Variants in ZSWIM6 observed in about 807,000 individuals in gnomAD.
ZSWIM6 encodes the protein zinc finger SWIM domain-containing protein 6.
ZSWIM6 carries 9 observed loss-of-function variants against 113.2 expected under a neutral mutation model. The observed-to-expected ratio is 0.08, with a 90% CI of 0.05 to 0.14. ZSWIM6 has a LOEUF of 0.14. Ranked by LOEUF, ZSWIM6 falls within the 10% of genes least tolerant of loss-of-function variation. The pLI is 1.00. For missense variants in ZSWIM6, 1,162 were observed against 1,552.2 expected, an observed-to-expected ratio of 0.75 and a Z score of 4.22; for synonymous variants, 611 against 606.5, an observed-to-expected ratio of 1.01 and a Z score of -0.11.
At chr5:61,428,425 C>A (rs1383772910) in intron 1 of ZSWIM6, among the ~76,000 whole-genome samples, 1 of 152,182 alleles carries the variant, frequency 6.6e-6, no homozygotes, top group Non-Finnish European at 1.5e-5. Context: ...CACAGTGATG[C>A]AGTCTTAGCT....
intron 1 of ZSWIM6, among the ~76,000 whole-genome samples, chr5:61,344,952 A>G (rs1385884973): frequency 2.6e-5 from 4 of 152,238 alleles, no homozygotes; most frequent in Non-Finnish European, 5.9e-5. Context: ...GTAGCCATAC[A>G]TAAATCTTGG....
chr5:61,454,765 G>A (rs943241172), intron 1 of ZSWIM6, among the ~76,000 whole-genome samples: 24 of 151,964 alleles, frequency 1.6e-4, no homozygotes, highest in African/African-American at 4.1e-4. Flanking sequence ...TGTATTTTTA[G>A]TAGAGATAGG....
At chr5:61,476,339 TAAAG>T (rs1747706619) in intron 2 of ZSWIM6, among the ~76,000 whole-genome samples, 2 of 152,144 alleles carry the variant, frequency 1.3e-5, no homozygotes, top group African/African-American at 4.8e-5. Flanking sequence ...AGTGTGTAGA[TAAAG>T]AAATCAAGGA....
At chr5:61,506,197 C>A (rs760422865) in intron 4 of ZSWIM6, among the ~76,000 whole-genome samples, 5 of 152,052 alleles carry the variant, frequency 3.3e-5, no homozygotes, top group Non-Finnish European at 7.4e-5. Context: ...TTGCTGTATT[C>A]CCGAGGTTTT....
intron 1 of ZSWIM6, among the ~76,000 whole-genome samples, chr5:61,422,944 A>C (rs951231821): frequency 6.6e-6 from 1 of 152,344 alleles, no homozygotes; most frequent in Non-Finnish European, 1.5e-5. Flanking sequence ...CAGAACAAAT[A>C]GTTTTTTAAT....
intron 2 of ZSWIM6, among the ~76,000 whole-genome samples, chr5:61,479,028 G>A (rs906828084): frequency 1.3e-5 from 2 of 151,962 alleles, no homozygotes; most frequent in Non-Finnish European, 2.9e-5. Flanking sequence ...AAAATTAGTC[G>A]GGCATGGTGG....
intron 1 of ZSWIM6, among the ~76,000 whole-genome samples, chr5:61,387,514 A>G (rs578214475): frequency 6.6e-6 from 1 of 152,190 alleles, no homozygotes; most frequent in Admixed American, 6.5e-5. Flanking sequence ...ACATATAAAA[A>G]AGTTAGCCAG....
At chr5:61,458,076 AATGG>A (rs1747242869) in intron 1 of ZSWIM6, among the ~76,000 whole-genome samples, 1 of 152,200 alleles carries the variant, frequency 6.6e-6, no homozygotes, top group African/African-American at 2.4e-5. Context: ...TATTCTCAAG[AATGG>A]ATAATAATAT....
chr5:61,507,534 G>C (rs1235587229), intron 4 of ZSWIM6, among the ~76,000 whole-genome samples: 1 of 152,096 alleles, frequency 6.6e-6, no homozygotes, highest in African/African-American at 2.4e-5. Context: ...GATTTCTTCT[G>C]ACTTGAATAA....
chr5:61,374,743 G>A (rs888198456), intron 1 of ZSWIM6, among the ~76,000 whole-genome samples: 2 of 151,994 alleles, frequency 1.3e-5, no homozygotes, highest in Admixed American at 1.3e-4. Context: ...TTTTAGTAGA[G>A]ACGGGGTTTC....
At chr5:61,361,079 G>T (rs370893695) in intron 1 of ZSWIM6, among the ~76,000 whole-genome samples, 1 of 152,080 alleles carries the variant, frequency 6.6e-6, no homozygotes, top group South Asian at 2.1e-4. Flanking sequence ...TGGGGGAGGG[G>T]GGTAAAGTCA....
chr5:61,340,218 A>C (rs779077052), intron 1 of ZSWIM6, among the ~76,000 whole-genome samples: 79 of 152,204 alleles, frequency 5.2e-4, no homozygotes, highest in Non-Finnish European at 1.0e-3. Context: ...TGTCATTTTG[A>C]ACTTTCAGCT....
intron 4 of ZSWIM6, among the ~76,000 whole-genome samples, chr5:61,503,476 A>C (rs1385667755): frequency 6.6e-6 from 1 of 152,236 alleles, no homozygotes; most frequent in Non-Finnish European, 1.5e-5. Flanking sequence ...AGTAGGAATC[A>C]GAGAGAGACC....
At chr5:61,424,331 TTAC>T in intron 1 of ZSWIM6, among the ~76,000 whole-genome samples, 1 of 152,314 alleles carries the variant, frequency 6.6e-6, no homozygotes, top group East Asian at 1.9e-4. Flanking sequence ...TTTTGAGTAG[TTAC>T]TAGCTCTGAG....
At chr5:61,370,798 A>G (rs1030175511) in intron 1 of ZSWIM6, among the ~76,000 whole-genome samples, 7 of 152,350 alleles carry the variant, frequency 4.6e-5, no homozygotes, top group African/African-American at 1.4e-4. Context: ...GGATATTAGC[A>G]TAGTTTTACA....
chr5:61,405,084 T>C (rs1346596421), intron 1 of ZSWIM6, among the ~76,000 whole-genome samples: 2 of 151,996 alleles, frequency 1.3e-5, no homozygotes. Flanking sequence ...CTTCTAGGAG[T>C]GAGAGACCAG....
At chr5:61,334,877 G>A (rs949214429) in intron 1 of ZSWIM6, among the ~76,000 whole-genome samples, 8 of 150,792 alleles carry the variant, frequency 5.3e-5, no homozygotes, top group Non-Finnish European at 8.9e-5. Context: ...TTATGGCTTG[G>A]CTGGCAATGT....
At chr5:61,410,102 C>T (rs552002813) in intron 1 of ZSWIM6, among the ~76,000 whole-genome samples, 1 of 152,156 alleles carries the variant, frequency 6.6e-6, no homozygotes, top group South Asian at 2.1e-4. Context: ...TGTGATTTCA[C>T]CTATGTATAG....
intron 1 of ZSWIM6, among the ~76,000 whole-genome samples, chr5:61,368,175 G>A (rs1745198882): frequency 6.6e-6 from 1 of 152,168 alleles, no homozygotes; most frequent in East Asian, 1.9e-4. Context: ...TGAGGATTCA[G>A]TGAGATTTCA....
Sources: allele counts gnomAD v4.1 joint callset (sites outside exome capture counted in the v4.1 genomes callset), GRCh38; gene constraint gnomAD v4.1.1; transcripts MANE v1.5; gene names NCBI Gene and HGNC (gene_info 2026-07-23, HGNC 2026-07-21).